The following ARFGEF3 variants were observed in gnomAD, a reference collection of about 807,000 sequenced individuals.
ARFGEF3 encodes brefeldin A-inhibited guanine nucleotide-exchange protein 3.
In ARFGEF3, 96 loss-of-function variants were observed where a neutral mutation model predicts 221.7. The ratio of observed to expected loss-of-function variants is 0.43; its 90% CI spans 0.37 to 0.51. ARFGEF3 has a LOEUF of 0.51. Among genes scored for constraint, ARFGEF3 ranks in the 20% least tolerant of loss-of-function variants. ARFGEF3 has a pLI of 0.00. For synonymous variants in ARFGEF3, 1,145 were observed against 1,126.8 expected, an observed-to-expected ratio of 1.02 and a Z score of -0.32; for missense variants, 2,410 against 2,789.9, an observed-to-expected ratio of 0.86 and a Z score of 3.07.
chr6:138,287,406 C>G (rs1017108376), intron 17 of ARFGEF3, among the ~76,000 whole-genome samples: 1 of 152,238 alleles, frequency 6.6e-6, no homozygotes, highest in Non-Finnish European at 1.5e-5. Context: ...ATACTGACCC[C>G]TGGTGGCAAG....
At chr6:138,269,182 C>T (rs975431933) in intron 12 of ARFGEF3, among the ~76,000 whole-genome samples, 10 of 152,236 alleles carry the variant, frequency 6.6e-5, no homozygotes, top group Admixed American at 6.5e-4. Flanking sequence ...AGGCGGTGGG[C>T]AGCCACAGAC....
At chr6:138,300,375 C>T (rs1244881204) in intron 22 of ARFGEF3, among the ~76,000 whole-genome samples, 1 of 152,056 alleles carries the variant, frequency 6.6e-6, no homozygotes, top group East Asian at 1.9e-4. Flanking sequence ...TAGGTTAACA[C>T]CTAAGACTTT....
intron 4 of ARFGEF3, among the ~76,000 whole-genome samples, chr6:138,228,001 C>T (rs144847235): frequency 1.3e-5 from 2 of 152,260 alleles, no homozygotes; most frequent in African/African-American, 4.8e-5. Flanking sequence ...AGCCTCCCTC[C>T]AAGCCCAGGG....
chr6:138,242,478 T>C (rs773532129), intron 6 of ARFGEF3, among the ~76,000 whole-genome samples: 2 of 152,202 alleles, frequency 1.3e-5, no homozygotes, highest in Non-Finnish European at 2.9e-5. Flanking sequence ...TTTGGACCTG[T>C]ATTTTGAAGT....
intron 1 of ARFGEF3, among the ~76,000 whole-genome samples, chr6:138,164,488 G>A (rs1485941428): frequency 2.0e-5 from 3 of 152,180 alleles, no homozygotes; most frequent in Admixed American, 2.0e-4. Flanking sequence ...AGGATAAGTT[G>A]TTTGTCTGGG....
chr6:138,234,135 AGTT>A (rs1393746926), intron 5 of ARFGEF3, among the ~76,000 whole-genome samples: 2 of 152,192 alleles, frequency 1.3e-5, no homozygotes, highest in Non-Finnish European at 2.9e-5. Context: ...CTTGTGAAGA[AGTT>A]GTTTGGAGTT....
chr6:138,287,035 T>A (rs1779310293), intron 16 of ARFGEF3, 39 bp from the exon 17 acceptor site: 3 of 1,557,550 alleles, frequency 1.9e-6, no homozygotes, highest in Non-Finnish European at 2.6e-6. Context: ...GGTTAGAGGA[T>A]ATACTCAGTC....
rs1002202245 is a variant in ARFGEF3, at chr6:138,204,913, G to T, written c.138-2129G>T. Reference sequence around the variant, plus strand: ...CTACCAGTCCTGCCTTGTGACCATGGCTTGCATGGGGAACAGTTCAGTGAT... The same window carrying T: ...CTACCAGTCCTGCCTTGTGACCATGTCTTGCATGGGGAACAGTTCAGTGAT... On this transcript the variant is annotated intron_variant, in intron 2 of 33. Coordinates refer to ENST00000251691, the MANE Select transcript of ARFGEF3 (RefSeq NM_020340.5). Among the ~76,000 whole-genome samples, 3 of 152,272 alleles carry T rather than the reference G, an allele frequency of 2.0e-5. No homozygotes were observed. The East Asian group carries it at 5.8e-4, about 29-fold the overall frequency.
chr6:138,276,016 C>T (rs894917492), intron 12 of ARFGEF3, among the ~76,000 whole-genome samples: 1 of 152,156 alleles, frequency 6.6e-6, no homozygotes, highest in Admixed American at 6.5e-5. Context: ...AACTGTTTCC[C>T]ACACATCCCT....
intron 2 of ARFGEF3, among the ~76,000 whole-genome samples, chr6:138,187,512 C>T (rs1421443668): frequency 6.6e-6 from 1 of 152,216 alleles, no homozygotes; most frequent in Non-Finnish European, 1.5e-5. Context: ...GCAAGGAAGG[C>T]TCCGGCTCTC....
At chr6:138,238,418 G>A in intron 5 of ARFGEF3, 91 bp from the exon 6 acceptor site, 1 of 1,352,880 alleles carries the variant, frequency 7.4e-7, no homozygotes, top group Non-Finnish European at 1.0e-6. Flanking sequence ...GTTTAAGAGG[G>A]ATTTGATATC....
At chr6:138,266,265 G>A (rs1778890080) in intron 12 of ARFGEF3, among the ~76,000 whole-genome samples, 1 of 151,356 alleles carries the variant, frequency 6.6e-6, no homozygotes, top group Admixed American at 6.6e-5. Context: ...AGAGAAGAAA[G>A]GAAAGGAAGG....
chr6:138,249,179 A>T (rs1778537288), intron 8 of ARFGEF3, among the ~76,000 whole-genome samples: 1 of 152,366 alleles, frequency 6.6e-6, no homozygotes, highest in South Asian at 2.1e-4. Flanking sequence ...TTGACTGTAG[A>T]TTGTTAGGAA....
chr6:138,333,145 G>A (rs540521427), intron 32 of ARFGEF3, among the ~76,000 whole-genome samples: 5 of 152,178 alleles, frequency 3.3e-5, no homozygotes, highest in Non-Finnish European at 7.4e-5. Flanking sequence ...AAATGAAACT[G>A]TAAACCAAAA....
chr6:138,273,810 T>C (rs1032298311), intron 12 of ARFGEF3, among the ~76,000 whole-genome samples: 3 of 152,230 alleles, frequency 2.0e-5, no homozygotes, highest in African/African-American at 7.2e-5. Context: ...ATTATTCTTA[T>C]CATGTTTCCA....
rs2114706232 is a variant in ARFGEF3, at chr6:138,338,320, TA to T, written c.*1836del. On this transcript the variant is annotated 3_prime_UTR_variant, in exon 34 of 34. Transcript: ENST00000251691. Reference sequence around the variant, plus strand: ...CTTTTTTTAAATTTTCCAACAGAAGTAACACCACAGTTGCTTTGTTTCTTTT... The same window carrying T: ...CTTTTTTTAAATTTTCCAACAGAAGTACACCACAGTTGCTTTGTTTCTTTT... The T allele has an allele frequency of 6.6e-6, 1 of 152,368 alleles. No homozygotes were observed. Among genetic ancestry groups the T allele is most frequent in the East Asian group, 1.9e-4 (1 of 5,190 alleles). The allele number at this position is 152,368 out of a possible 1,614,324, so 9.4% of individuals were successfully genotyped here.
rs756181811 is a variant in ARFGEF3, at chr6:138,291,705, A to G, written c.3048-28A>G. ...GCTGCCGGGGTGAGCTGCAGCGCCT[A>G]ACAGCTGCTTGTCTGTGCTCTTTCT... On this transcript the variant is annotated intron_variant, in intron 18 of 33. Coordinates refer to ENST00000251691, the MANE Select transcript of ARFGEF3 (RefSeq NM_020340.5). The surrounding 1 kb of genome is among the most constrained non-coding windows in gnomAD (Gnocchi z 4.5). The G allele has an allele frequency of 6.1e-6, 8 of 1,308,688 alleles. No individual in the cohort carries two copies. Among genetic ancestry groups the G allele is most frequent in the Non-Finnish European group, 7.8e-6 (8 of 1,020,238 alleles). The allele number at this position is 1,308,688 out of a possible 1,614,324, so 81.1% of individuals were successfully genotyped here.
At chr6:138,163,502 T>A (rs904316968) in intron 1 of ARFGEF3, among the ~76,000 whole-genome samples, 1 of 152,220 alleles carries the variant, frequency 6.6e-6, no homozygotes. Context: ...CTGGGTAACA[T>A]GATAAAGCAG....
intron 12 of ARFGEF3, among the ~76,000 whole-genome samples, chr6:138,274,940 T>C (rs1779069005): frequency 6.6e-6 from 1 of 151,072 alleles, no homozygotes; most frequent in Non-Finnish European, 1.5e-5. Context: ...AAACCCCGTC[T>C]CTACTAAAAA....
Sources: gnomAD v4.1 joint callset for allele counts (sites outside exome capture counted in the v4.1 genomes callset) on GRCh38, gnomAD v4.1.1 for gene constraint, Gnocchi (gnomAD v3.1) non-coding constraint, MANE v1.5 for transcripts, NCBI Gene and HGNC (gene_info 2026-07-23, HGNC 2026-07-21) for gene names.